LARGE1: variants seen among roughly 807,000 people sequenced by gnomAD.
The protein encoded by LARGE1 is LARGE xylosyl- and glucuronyltransferase 1.
A neutral mutation model predicts 87.6 loss-of-function variants in LARGE1; 43 were observed. The observed-to-expected ratio is 0.49, with a 90% CI of 0.38 to 0.63. The LOEUF is 0.63. Ranked by LOEUF, LARGE1 falls within the 30% of genes least tolerant of loss-of-function variation. LARGE1 has a pLI of 0.00. For synonymous variants in LARGE1, 434 were observed against 394.6 expected (o/e 1.10, Z -1.18); for missense variants, 802 against 1,000.2 (o/e 0.80, Z 2.67).
upstream of LARGE1, among the ~76,000 whole-genome samples, chr22:33,921,734 T>A (rs1224959907): frequency 6.6e-6 from 1 of 152,036 alleles, no homozygotes; most frequent in Non-Finnish European, 1.5e-5. The surrounding 1 kb of genome is among the most constrained non-coding windows in gnomAD (Gnocchi z 4.1). Flanking sequence ...CTTTCCCTCT[T>A]GGCATAAGAA....
At chr22:33,351,573 AAAAT>A (rs1940380580) in intron 9 of LARGE1, among the ~76,000 whole-genome samples, 1 of 152,168 alleles carries the variant, frequency 6.6e-6, no homozygotes, top group African/African-American at 2.4e-5. Context: ...AATTATTTTT[AAAAT>A]AAATAAATAT....
chr22:33,292,751 G>C (rs554249646), intron 12 of LARGE1, among the ~76,000 whole-genome samples: 6 of 152,114 alleles, frequency 3.9e-5, no homozygotes, highest in Non-Finnish European at 7.4e-5. Context: ...CAGTTTGAAG[G>C]GAGGCTGAAC....
chr22:33,568,505 G>A (rs560550097), intron 5 of LARGE1, among the ~76,000 whole-genome samples: 14 of 152,110 alleles, frequency 9.2e-5, no homozygotes, highest in Non-Finnish European at 1.8e-4. Context: ...AGTGGCTCAC[G>A]CCTGTAATCC....
intron 7 of LARGE1, among the ~76,000 whole-genome samples, chr22:33,398,815 G>A (rs1354252622): frequency 6.6e-6 from 1 of 152,124 alleles, no homozygotes. Context: ...CAGAGGCAGG[G>A]GTTGAAGATA....
At chr22:33,514,576 T>G (rs2071211861) in intron 6 of LARGE1, among the ~76,000 whole-genome samples, 1 of 152,250 alleles carries the variant, frequency 6.6e-6, no homozygotes, top group Admixed American at 6.5e-5. Context: ...ATTTAAAGTA[T>G]GCAGGAGATG....
chr22:33,858,429 C>T (rs905785438), intron 1 of LARGE1, among the ~76,000 whole-genome samples: 1 of 152,222 alleles, frequency 6.6e-6, no homozygotes, highest in African/African-American at 2.4e-5. Flanking sequence ...AGAGGGTAGC[C>T]ATTGCTGGCT....
At chr22:33,204,201 G>A (rs1924570874) in intron 11 of LARGE1, among the ~76,000 whole-genome samples, 1 of 152,082 alleles carries the variant, frequency 6.6e-6, no homozygotes, top group Non-Finnish European at 1.5e-5. Flanking sequence ...CCGAATTGAG[G>A]GGCTGGAGAG....
the LARGE1 span, among the ~76,000 whole-genome samples, chr22:33,152,359 C>T: frequency 1.3e-5 from 2 of 152,196 alleles, no homozygotes; most frequent in Admixed American, 6.5e-5. Context: ...GGCAGTGCTT[C>T]AAAGAATGTT....
At chr22:33,870,672 G>A (rs956581690) in intron 1 of LARGE1, among the ~76,000 whole-genome samples, 1 of 152,020 alleles carries the variant, frequency 6.6e-6, no homozygotes, top group Non-Finnish European at 1.5e-5. Flanking sequence ...GGGTTCCAGC[G>A]ATTCTCCTGC....
At chr22:33,420,348 A>G (rs1340497010) in intron 7 of LARGE1, among the ~76,000 whole-genome samples, 1 of 152,178 alleles carries the variant, frequency 6.6e-6, no homozygotes, top group Non-Finnish European at 1.5e-5. Context: ...TGACAGAAAA[A>G]AATTACTACC....
intron 6 of LARGE1, among the ~76,000 whole-genome samples, chr22:33,442,086 C>A (rs1410348865): frequency 1.3e-5 from 2 of 152,126 alleles, no homozygotes; most frequent in Admixed American, 6.5e-5. Flanking sequence ...AAGAGTTAGG[C>A]TGAATAAGTG....
intron 6 of LARGE1, among the ~76,000 whole-genome samples, chr22:33,535,427 C>T (rs955948257): frequency 6.6e-6 from 1 of 151,994 alleles, no homozygotes; most frequent in Admixed American, 6.6e-5. Flanking sequence ...CCTGTAATCC[C>T]AGCTACTTGG....
intron 12 of LARGE1, among the ~76,000 whole-genome samples, chr22:33,297,270 TAC>T (rs751898490): frequency 2.2e-4 from 33 of 152,280 alleles, no homozygotes; most frequent in African/African-American, 4.3e-4. Flanking sequence ...CTGGCATTCC[TAC>T]ACAGTGTCAG....
At chr22:33,474,917 G>A (rs920396237) in intron 6 of LARGE1, among the ~76,000 whole-genome samples, 3 of 152,142 alleles carry the variant, frequency 2.0e-5, no homozygotes, top group Non-Finnish European at 4.4e-5. Context: ...GGGGATAACT[G>A]GCTGAAAAGA....
rs78353550 is a variant in LARGE1, at chr22:33,467,155, G to A, written c.788-34890C>T. On this transcript the variant is annotated intron_variant, in intron 6 of 14. Coordinates refer to ENST00000397394, the MANE Select transcript of LARGE1 (RefSeq NM_133642.5). ...AGAGGCAGGTGTTAATTCCAAGAGTGAGGGCATTCCCTCTTCTCTTTGCCA... is the reference window on the plus strand; with the variant it reads ...AGAGGCAGGTGTTAATTCCAAGAGTAAGGGCATTCCCTCTTCTCTTTGCCA... 3.1e-3 allele frequency among the ~76,000 whole-genome samples: 467 copies of A among 152,310 alleles called. 3 individuals carry two copies. The highest frequency in any genetic ancestry group is 0.022 in the South Asian group (104 of 4,820).
At chr22:33,750,972 G>A (rs2084294215) in intron 2 of LARGE1, 1 of 152,154 alleles carries the variant, frequency 6.6e-6, no homozygotes, top group African/African-American at 2.4e-5. Flanking sequence ...GCCCAACAAT[G>A]ACATAGATTC....
At chr22:33,785,110 CATAT>C (rs1161865349) in intron 1 of LARGE1, among the ~76,000 whole-genome samples, 10 of 55,728 alleles carry the variant, frequency 1.8e-4, no homozygotes, top group East Asian at 1.6e-3. Flanking sequence ...TGTATACATA[CATAT>C]GTGTATATGC....
In LARGE1 at chr22:33,188,266, TC is replaced by T. The variant is rs756009693; in HGVS notation, c.1731-21435del. 8.5e-5 allele frequency among the ~76,000 whole-genome samples: 13 copies of T among 152,204 alleles called. No individual in the cohort carries two copies. The East Asian group carries it at 2.5e-3, about 29-fold the overall frequency. On this transcript the variant is annotated intron_variant, in intron 11 of 11. Coordinates refer to the LARGE1 transcript ENST00000608642. ...CTAAGACACGAAATTAACGAGAAAC[TC>T]TTACTGGACACTAATGGAGACAGGA...
At chr22:33,314,415 G>A (rs1346288755) in intron 11 of LARGE1, among the ~76,000 whole-genome samples, 2 of 152,144 alleles carry the variant, frequency 1.3e-5, no homozygotes, top group African/African-American at 2.4e-5. Context: ...ATCATTCCAC[G>A]TTGCCTCCAG....
Sources: gnomAD v4.1 joint callset for allele counts (sites outside exome capture counted in the v4.1 genomes callset) on GRCh38, gnomAD v4.1.1 for gene constraint, Gnocchi (gnomAD v3.1) non-coding constraint, MANE v1.5 for transcripts, NCBI Gene and HGNC (gene_info 2026-07-23, HGNC 2026-07-21) for gene names.